Variants in NUTM2B observed in about 807,000 individuals in gnomAD.
NUTM2B encodes the protein family with sequence similarity 22, member B.
NUTM2B carries 2 observed loss-of-function variants against 42.4 expected under a neutral mutation model. The observed-to-expected ratio is 0.05, with a 90% CI of 0.02 to 0.15. The LOEUF is 0.15. NUTM2B is among the 10% of genes least tolerant of loss of function. NUTM2B has a pLI of 1.00. For synonymous variants in NUTM2B, 18 were observed against 402.4 expected (o/e 0.04, Z 11.43); for missense variants, 58 against 952.6 (o/e 0.06, Z 12.36).
chr10:79,699,762 T>G (rs2132234663), upstream of NUTM2B, among the ~76,000 whole-genome samples: 1 of 152,282 alleles, frequency 6.6e-6, no homozygotes, highest in Middle Eastern at 3.4e-3. Flanking sequence ...CATTCTTTAA[T>G]CTGCAGTCTC....
At chr10:79,699,521 C>A (rs531643602), upstream of NUTM2B, among the ~76,000 whole-genome samples, 1 of 152,238 alleles carries the variant, frequency 6.6e-6, no homozygotes, top group African/African-American at 2.4e-5. Flanking sequence ...GGGCTCATTG[C>A]AAACTCCGCC....
At chr10:79,696,842 C>G in the NUTM2B span, among the ~76,000 whole-genome samples, 2 of 151,594 alleles carry the variant, frequency 1.3e-5, no homozygotes, top group African/African-American at 4.8e-5. Flanking sequence ...CCCCTTCCCA[C>G]CCCTTCATGA....
At chr10:79,700,388 A>G (rs2434099), upstream of NUTM2B, among the ~76,000 whole-genome samples, 1 of 152,210 alleles carries the variant, frequency 6.6e-6, no homozygotes, top group African/African-American at 2.4e-5. Flanking sequence ...GGAATGTGAA[A>G]GGCACGGCCG....
chr10:79,692,176 AGT>A, the NUTM2B span: 1 of 151,518 alleles, frequency 6.6e-6, no homozygotes, highest in Non-Finnish European at 1.5e-5. Context: ...GGGGGCTCTG[AGT>A]GTGGATGGGA....
At chr10:79,712,010 A>T in exon 7 of NUTM2B, 1 of 1,381,236 alleles carries the variant, frequency 7.2e-7, no homozygotes, top group Non-Finnish European at 9.5e-7. Context: ...CCCCAGGACC[A>T]CAGACCCACC....
chr10:79,699,891 C>T (rs924409471), upstream of NUTM2B, among the ~76,000 whole-genome samples: 14 of 152,152 alleles, frequency 9.2e-5, no homozygotes, highest in Admixed American at 2.6e-4. Flanking sequence ...CAAAACCACC[C>T]GCACAAATCT....
the NUTM2B span, among the ~76,000 whole-genome samples, chr10:79,694,540 A>AG: frequency 1.3e-5 from 2 of 152,056 alleles, no homozygotes; most frequent in East Asian, 1.9e-4. Flanking sequence ...ACATTTTCTC[A>AG]GGGGGGCCTC....
At chr10:79,695,099 G>A in the NUTM2B span, among the ~76,000 whole-genome samples, 1 of 152,078 alleles carries the variant, frequency 6.6e-6, no homozygotes, top group African/African-American at 2.4e-5. Flanking sequence ...CCCAGGCCCA[G>A]GTTCTAAAGG....
chr10:79,700,186 T>C (rs1246033504), upstream of NUTM2B, among the ~76,000 whole-genome samples: 3 of 152,274 alleles, frequency 2.0e-5, no homozygotes, highest in African/African-American at 7.2e-5. Context: ...CAGCTGCTCC[T>C]ATCAGTGACA....
chr10:79,696,605 C>G, the NUTM2B span, among the ~76,000 whole-genome samples: 2 of 152,206 alleles, frequency 1.3e-5, no homozygotes, highest in East Asian at 3.9e-4. Context: ...CAAGGAGGTC[C>G]TGCAGTAAGG....
At chr10:79,695,510 T>C in the NUTM2B span, among the ~76,000 whole-genome samples, 14 of 152,184 alleles carry the variant, frequency 9.2e-5, no homozygotes, top group Non-Finnish European at 1.6e-4. Flanking sequence ...CCCCGAAGCC[T>C]CAGGTTCCCA....
At chr10:79,706,911 G>GGGCCTC (rs2132249295) in intron 2 of NUTM2B, among the ~76,000 whole-genome samples, 170 bp downstream of exon 2, 2 of 109,640 alleles carry the variant, frequency 1.8e-5, no homozygotes, top group South Asian at 6.8e-4. Flanking sequence ...TGCGGCTCAG[G>GGGCCTC]ACAGACTGTC....
chr10:79,701,546 G>T (rs535500019), upstream of NUTM2B, among the ~76,000 whole-genome samples: 5 of 151,524 alleles, frequency 3.3e-5, no homozygotes, highest in Non-Finnish European at 5.9e-5. Context: ...GAGCCTTCAC[G>T]TTGATGCAGT....
At chr10:79,705,401 C>CTAT (rs1396556028) in intron 1 of NUTM2B, among the ~76,000 whole-genome samples, 1 of 148,240 alleles carries the variant, frequency 6.7e-6, no homozygotes, top group Non-Finnish European at 1.5e-5. Context: ...AATCTGACCC[C>CTAT]TATTTAGCAC....
chr10:79,696,203 G>A, the NUTM2B span, among the ~76,000 whole-genome samples: 1 of 148,912 alleles, frequency 6.7e-6, no homozygotes, highest in East Asian at 2.2e-4. Context: ...GCTCTCCAGG[G>A]GGAAATAGGA....
chr10:79,699,811 T>G (rs1407269265), upstream of NUTM2B, among the ~76,000 whole-genome samples: 1 of 152,184 alleles, frequency 6.6e-6, no homozygotes, highest in East Asian at 1.9e-4. Flanking sequence ...GAATACATAT[T>G]AGATTCTCAC....
At chr10:79,711,970 G>A in exon 7 of NUTM2B, 1 of 1,382,032 alleles carries the variant, frequency 7.2e-7, no homozygotes. Context: ...GGATTCCCCT[G>A]GGCTGAGGGC....
chr10:79,700,108 T>C (rs1394441908), upstream of NUTM2B, among the ~76,000 whole-genome samples: 1 of 152,202 alleles, frequency 6.6e-6, no homozygotes, highest in Non-Finnish European at 1.5e-5. Context: ...GGCCACACTC[T>C]TGCATCCACA....
At chr10:79,701,036 G>T (rs557596090), upstream of NUTM2B, among the ~76,000 whole-genome samples, 4 of 152,186 alleles carry the variant, frequency 2.6e-5, no homozygotes, top group African/African-American at 4.8e-5. Flanking sequence ...CTTGCTGAAA[G>T]GTTTACCTTT....
Sources: gnomAD v4.1 joint callset for allele counts (sites outside exome capture counted in the v4.1 genomes callset) on GRCh38, gnomAD v4.1.1 for gene constraint, MANE v1.5 for transcripts, NCBI Gene and HGNC (gene_info 2026-07-23, HGNC 2026-07-21) for gene names.